Variants in FSTL5 observed in about 807,000 individuals in gnomAD.
FSTL5 encodes follistatin like 5, also known as follistatin-related protein 5.
A neutral mutation model predicts 89.1 loss-of-function variants in FSTL5; 62 were observed. The observed-to-expected ratio is 0.70, with a 90% CI of 0.57 to 0.86. The LOEUF is 0.86. Ranked by LOEUF, FSTL5 falls within the 40% of genes least tolerant of loss-of-function variation. The probability of loss-of-function intolerance (pLI) is 0.00; values close to 1 mark genes in which losing one functional copy is unlikely to be tolerated. For missense variants in FSTL5, 1,057 were observed against 1,001.6 expected, an observed-to-expected ratio of 1.06 and a Z score of -0.75; for synonymous variants, 383 against 346.2, an observed-to-expected ratio of 1.11 and a Z score of -1.18.
chr4:162,013,591 C>T (rs1736831327), intron 3 of FSTL5, among the ~76,000 whole-genome samples: 1 of 152,076 alleles, frequency 6.6e-6, no homozygotes. Context: ...CTCCATAGGT[C>T]CTTTGTTGTT....
chr4:161,539,042 G>C (rs577284548), intron 9 of FSTL5, among the ~76,000 whole-genome samples: 1 of 152,096 alleles, frequency 6.6e-6, no homozygotes, highest in African/African-American at 2.4e-5. Context: ...CCAAAGGGCT[G>C]GCATTACAGG....
chr4:161,672,932 T>A (rs1054241724), intron 6 of FSTL5, among the ~76,000 whole-genome samples: 12 of 152,140 alleles, frequency 7.9e-5, no homozygotes, highest in African/African-American at 2.4e-4. Context: ...ATAATTTTTT[T>A]AAAATATCAC....
intron 15 of FSTL5, among the ~76,000 whole-genome samples, chr4:161,403,638 G>A (rs772504647): frequency 6.6e-6 from 1 of 152,210 alleles, no homozygotes; most frequent in African/African-American, 2.4e-5. Flanking sequence ...AGGGATATAT[G>A]TATAACCTAT....
At chr4:161,393,023 G>A (rs1476443924) in intron 15 of FSTL5, among the ~76,000 whole-genome samples, 2 of 152,018 alleles carry the variant, frequency 1.3e-5, no homozygotes, top group East Asian at 3.9e-4. Flanking sequence ...AATTAGCCAG[G>A]TATGGTGCCA....
At chr4:161,984,098 G>A (rs1735900263) in intron 3 of FSTL5, among the ~76,000 whole-genome samples, 1 of 151,904 alleles carries the variant, frequency 6.6e-6, no homozygotes, top group South Asian at 2.1e-4. Context: ...TCATAATTAA[G>A]TTAAAATATT....
At chr4:161,407,709 C>T (rs1731434522) in intron 15 of FSTL5, among the ~76,000 whole-genome samples, 1 of 121,454 alleles carries the variant, frequency 8.2e-6, no homozygotes, top group Non-Finnish European at 1.9e-5. Context: ...GAAAGTAGGG[C>T]CTGCTTCCCC....
chr4:161,965,172 C>T (rs938001762), intron 3 of FSTL5, among the ~76,000 whole-genome samples: 1 of 152,048 alleles, frequency 6.6e-6, no homozygotes, highest in Admixed American at 6.6e-5. Context: ...CAATGTTTGA[C>T]CTAAACTTCC....
At chr4:161,398,385 A>C (rs886352207) in intron 15 of FSTL5, among the ~76,000 whole-genome samples, 15 of 152,080 alleles carry the variant, frequency 9.9e-5, no homozygotes, top group Non-Finnish European at 1.8e-4. Context: ...TTTAAATTGA[A>C]TATATTCCAG....
At chr4:161,905,898 T>G (rs190251019) in intron 4 of FSTL5, among the ~76,000 whole-genome samples, 1 of 152,302 alleles carries the variant, frequency 6.6e-6, no homozygotes, top group East Asian at 1.9e-4. Context: ...CCAATATGTT[T>G]CAATCTGTGG....
intron 4 of FSTL5, among the ~76,000 whole-genome samples, chr4:161,792,884 G>A (rs1357222970): frequency 6.6e-6 from 1 of 152,128 alleles, no homozygotes; most frequent in African/African-American, 2.4e-5. Context: ...ACACAAACAG[G>A]GCTGAAACAT....
At chr4:161,728,788 C>T (rs1739506876) in intron 6 of FSTL5, among the ~76,000 whole-genome samples, 1 of 151,996 alleles carries the variant, frequency 6.6e-6, no homozygotes, top group Admixed American at 6.6e-5. Context: ...GAGGGGTATG[C>T]GATGGTACAT....
intron 15 of FSTL5, among the ~76,000 whole-genome samples, chr4:161,434,385 T>C (rs1419648393): frequency 1.3e-5 from 2 of 152,116 alleles, no homozygotes; most frequent in Non-Finnish European, 2.9e-5. Flanking sequence ...CCCCCATCTC[T>C]TGCCATACAC....
At chr4:161,423,281 G>T (rs556305851) in intron 15 of FSTL5, among the ~76,000 whole-genome samples, 1 of 152,128 alleles carries the variant, frequency 6.6e-6, no homozygotes, top group Admixed American at 6.5e-5. Flanking sequence ...TTCTTTAAAG[G>T]TTTCCTGGAA....
At chr4:162,141,849 T>C (rs1732758542) in intron 1 of FSTL5, among the ~76,000 whole-genome samples, 1 of 151,520 alleles carries the variant, frequency 6.6e-6, no homozygotes. Context: ...TGAATGGGAG[T>C]ACTGAGGAAG....
At position 161,581,001 on chromosome 4, in the gene FSTL5, A is replaced by T. The variant is rs780966993; in HGVS notation, c.1015+6454T>A. On this transcript the variant is annotated intron_variant, in intron 8 of 15. Transcript: ENST00000306100. Reference sequence around the variant, plus strand: ...TCATGAGGCAAAAGCCTGAAATGATACATGGCCAATACCACCCCCCAAGCA... The same window carrying T: ...TCATGAGGCAAAAGCCTGAAATGATTCATGGCCAATACCACCCCCCAAGCA... Among the ~76,000 whole-genome samples, 9 of 152,170 alleles carry T rather than the reference A, an allele frequency of 5.9e-5. No homozygotes were observed. In the South Asian group the frequency reaches 1.2e-3, roughly 21 times the overall value.
At chr4:161,533,069 C>T (rs1346287067) in intron 10 of FSTL5, among the ~76,000 whole-genome samples, 5 of 151,416 alleles carry the variant, frequency 3.3e-5, no homozygotes, top group African/African-American at 1.2e-4. Context: ...TGGGTTGCTG[C>T]TTAAGCAGTG....
chr4:161,876,176 G>T (rs1007434586), intron 4 of FSTL5, among the ~76,000 whole-genome samples: 2 of 152,138 alleles, frequency 1.3e-5, no homozygotes, highest in Non-Finnish European at 2.9e-5. Context: ...ATTAAAATGT[G>T]AAAAGTGGAT....
intron 6 of FSTL5, among the ~76,000 whole-genome samples, chr4:161,734,221 A>T (rs1739713536): frequency 6.6e-6 from 1 of 152,110 alleles, no homozygotes; most frequent in Admixed American, 6.6e-5. Context: ...GATTTTAAAT[A>T]AAAAAATAAG....
chr4:161,897,797 A>G (rs1015245954), intron 4 of FSTL5, among the ~76,000 whole-genome samples: 18 of 151,522 alleles, frequency 1.2e-4, no homozygotes, highest in Admixed American at 6.6e-4. Flanking sequence ...GGATTTTTGT[A>G]AATGTATAAT....
Sources: allele counts gnomAD v4.1 joint callset (sites outside exome capture counted in the v4.1 genomes callset), GRCh38; gene constraint gnomAD v4.1.1; transcripts MANE v1.5; gene names NCBI Gene and HGNC (gene_info 2026-07-23, HGNC 2026-07-21).